The following MGMT variants were observed in gnomAD, a reference collection of about 807,000 sequenced individuals.
The protein encoded by MGMT is methylated-DNA--protein-cysteine methyltransferase.
A neutral mutation model predicts 15.9 loss-of-function variants in MGMT; 14 were observed. That is an observed-to-expected ratio of 0.88 (90% confidence interval 0.58 to 1.37). The LOEUF (loss-of-function observed/expected upper bound fraction) is 1.37. MGMT is among the 40% of genes most tolerant of loss of function. The probability of loss-of-function intolerance (pLI) is 0.00; values close to 1 mark genes in which losing one functional copy is unlikely to be tolerated. For synonymous variants in MGMT, 130 were observed against 118.2 expected (o/e 1.10, Z -0.65); for missense variants, 282 against 268.1 (o/e 1.05, Z -0.36).
intron 2 of MGMT, among the ~76,000 whole-genome samples, chr10:129,605,653 G>A (rs1270489549): frequency 1.3e-5 from 2 of 152,152 alleles, no homozygotes; most frequent in Non-Finnish European, 2.9e-5. Flanking sequence ...GGAAAGGCTT[G>A]TGTTACCAGT....
At position 129,536,282 on chromosome 10, in the gene MGMT, CACACTGG is replaced by C. The variant is rs1845982833; in HGVS notation, c.34_40del (p.Leu12AlafsTer18). 2 of 1,613,862 alleles carry C rather than the reference CACACTGG, an allele frequency of 1.2e-6. No individual in the cohort carries two copies. The highest frequency in any genetic ancestry group is 2.2e-5 in the South Asian group (2 of 91,050). On this transcript the variant is annotated frameshift_variant, in exon 2 of 5. Coordinates refer to ENST00000651593, the MANE Select transcript of MGMT (RefSeq NM_002412.5). LOFTEE classifies it high-confidence loss of function. ...ACAAGGATTGTGAAATGAAACGCAC[CACACTGG>C]ACAGCCCTTTGGGGAAGCTGGAGCT...
At chr10:129,482,974 C>T (rs535120532) in intron 1 of MGMT, among the ~76,000 whole-genome samples, 49 of 152,096 alleles carry the variant, frequency 3.2e-4, no homozygotes, top group African/African-American at 1.1e-3. Flanking sequence ...TTTGCCCTTC[C>T]TCCATCTTCC....
intron 2 of MGMT, among the ~76,000 whole-genome samples, chr10:129,560,872 G>A (rs192111671): frequency 1.3e-5 from 2 of 152,166 alleles, no homozygotes; most frequent in Non-Finnish European, 1.5e-5. Context: ...CGAAATATGA[G>A]ACTAACACAG....
chr10:129,494,701 T>A (rs775597061), intron 1 of MGMT, among the ~76,000 whole-genome samples: 4 of 152,256 alleles, frequency 2.6e-5, no homozygotes, highest in Non-Finnish European at 4.4e-5. Context: ...AGTAGCCACA[T>A]GTGGCTAACA....
intron 2 of MGMT, among the ~76,000 whole-genome samples, chr10:129,547,023 G>T (rs1282393398): frequency 6.6e-6 from 1 of 152,178 alleles, no homozygotes; most frequent in African/African-American, 2.4e-5. Context: ...CAGGGTTGGG[G>T]TGGACAGGAG....
Position 129,497,069 on chromosome 10 carries a change from G to C in MGMT, c.-13+29773G>C, listed in dbSNP as rs1036100312. Among the ~76,000 whole-genome samples the C allele has an allele frequency of 2.6e-5, 4 of 152,152 alleles. No individual in the cohort carries two copies. In the South Asian group the frequency reaches 8.3e-4, roughly 32 times the overall value. ...GAAGCAAGTACTCTGAATGGTTTCT[G>C]ATTTTAATAGGGGGAGCATCATTTC... On this transcript the variant is annotated intron_variant, in intron 1 of 4. Coordinates refer to ENST00000651593, the MANE Select transcript of MGMT (RefSeq NM_002412.5).
intron 2 of MGMT, among the ~76,000 whole-genome samples, chr10:129,579,040 T>G (rs1014407587): frequency 6.6e-6 from 1 of 152,190 alleles, no homozygotes; most frequent in Admixed American, 6.5e-5. Context: ...AGTTCCCTTA[T>G]CCCAGGAGGG....
intron 2 of MGMT, among the ~76,000 whole-genome samples, chr10:129,673,162 C>T (rs1288378738): frequency 2.6e-5 from 4 of 152,176 alleles, no homozygotes; most frequent in Non-Finnish European, 5.9e-5. Flanking sequence ...AATGGTGCTT[C>T]ATCCCAGGGT....
Position 129,566,475 on chromosome 10 carries a change from A to T in MGMT, c.125+30098A>T, listed in dbSNP as rs1331246851. 3.3e-5 allele frequency among the ~76,000 whole-genome samples: 5 copies of T among 151,986 alleles called. No homozygotes were observed. Among genetic ancestry groups the T allele is most frequent in the Non-Finnish European group, 1.5e-5 (1 of 68,012 alleles). On this transcript the variant is annotated intron_variant, in intron 2 of 4. Coordinates refer to ENST00000651593, the MANE Select transcript of MGMT (RefSeq NM_002412.5). This position sits in a 1 kb window ranked among gnomAD's most constrained non-coding sequence, Gnocchi z 4.1. Reference sequence around the variant, plus strand: ...TCTTCCAGGCCTCTGTCCCACCAGGATGATGCCTATCCAGAGCTCATTGTC... The same window carrying T: ...TCTTCCAGGCCTCTGTCCCACCAGGTTGATGCCTATCCAGAGCTCATTGTC...
intron 2 of MGMT, among the ~76,000 whole-genome samples, chr10:129,592,675 G>A (rs539712200): frequency 3.3e-5 from 5 of 152,124 alleles, no homozygotes; most frequent in East Asian, 1.9e-4. Flanking sequence ...CTTCCTGCAC[G>A]TCAGCCAGAG....
In MGMT at chr10:129,634,050, TAC is replaced by T. The variant is rs1847239478; in HGVS notation, c.126-73843_126-73842del. ...CACTGGTCTACTGCAGGTGACTTCTTACAGTTTTTTAGTGCCCAAAATGTCTT... is the reference window on the plus strand; with the variant it reads ...CACTGGTCTACTGCAGGTGACTTCTTAGTTTTTTAGTGCCCAAAATGTCTT... On this transcript the variant is annotated intron_variant, in intron 2 of 4. Transcript: ENST00000651593. Among the ~76,000 whole-genome samples, 8 of 152,352 alleles carry T rather than the reference TAC, an allele frequency of 5.3e-5. No individual in the cohort carries two copies. In the South Asian group the frequency reaches 1.7e-3, roughly 32 times the overall value.
chr10:129,568,294 G>A (rs1042685177), intron 2 of MGMT, among the ~76,000 whole-genome samples: 1 of 152,196 alleles, frequency 6.6e-6, no homozygotes, highest in Non-Finnish European at 1.5e-5. Context: ...TGTCCTGACA[G>A]GGGAGCAGGT....
At chr10:129,599,973 A>AGTAGGTAGGTAG (rs71035597) in intron 2 of MGMT, among the ~76,000 whole-genome samples, 1 of 151,350 alleles carries the variant, frequency 6.6e-6, no homozygotes. Flanking sequence ...CCTATAGGTA[A>AGTAGGTAGGTAG]GTAGGTAGGT....
At chr10:129,536,213 CTT>C in intron 1 of MGMT, 26 bp from the exon 2 acceptor site, 1 of 1,612,906 alleles carries the variant, frequency 6.2e-7, no homozygotes, top group Non-Finnish European at 8.5e-7. Flanking sequence ...TACCTATACA[CTT>C]TGTCTTAAAA....
At chr10:129,520,922 A>G (rs35305248) in intron 1 of MGMT, among the ~76,000 whole-genome samples, 36,540 of 149,456 alleles carry the variant, frequency 0.24, 5,396 homozygotes, top group African/African-American at 0.42. Flanking sequence ...CAGAACCCCT[A>G]CGGTGCGGGT....
chr10:129,491,564 T>C (rs1845469293), intron 1 of MGMT, among the ~76,000 whole-genome samples: 2 of 152,212 alleles, frequency 1.3e-5, no homozygotes, highest in South Asian at 4.1e-4. Flanking sequence ...CTCTCGGAGT[T>C]GAATTATAGG....
At chr10:129,615,456 T>G (rs1401646213) in intron 2 of MGMT, among the ~76,000 whole-genome samples, 1 of 152,124 alleles carries the variant, frequency 6.6e-6, no homozygotes, top group Non-Finnish European at 1.5e-5. Flanking sequence ...GCAGATCATC[T>G]CCAGAGTCAT....
At chr10:129,758,446 C>T (rs903783672) in intron 3 of MGMT, among the ~76,000 whole-genome samples, 1 of 152,084 alleles carries the variant, frequency 6.6e-6, no homozygotes, top group African/African-American at 2.4e-5. Flanking sequence ...AGGCCTTCTT[C>T]GCGTGCCCCA....
At chr10:129,685,327 C>T (rs1267364279) in intron 2 of MGMT, among the ~76,000 whole-genome samples, 1 of 152,220 alleles carries the variant, frequency 6.6e-6, no homozygotes, top group African/African-American at 2.4e-5. Context: ...CCAAAACTTC[C>T]TGCCTGGCCT....
Sources: gnomAD v4.1 joint callset for allele counts (sites outside exome capture counted in the v4.1 genomes callset) on GRCh38, gnomAD v4.1.1 for gene constraint, Gnocchi (gnomAD v3.1) non-coding constraint, MANE v1.5 for transcripts, NCBI Gene and HGNC (gene_info 2026-07-23, HGNC 2026-07-21) for gene names.